UHRF2: variants seen among roughly 807,000 people sequenced by gnomAD.
UHRF2 encodes the protein ubiquitin like with PHD and ring finger domains 2.
A neutral mutation model predicts 96.8 loss-of-function variants in UHRF2; 23 were observed. The ratio of observed to expected loss-of-function variants is 0.24; its 90% CI spans 0.17 to 0.34. The LOEUF is 0.34. Among genes scored for constraint, UHRF2 ranks in the 10% least tolerant of loss-of-function variants. The pLI is 1.00. For synonymous variants in UHRF2, 385 were observed against 332.6 expected (o/e 1.16, Z -1.72); for missense variants, 685 against 981.5 (o/e 0.70, Z 4.04).
At position 6,506,877 on chromosome 9, in the gene UHRF2, C is replaced by T. The variant is rs1232972622; in HGVS notation, c.*698C>T. On this transcript the variant is annotated 3_prime_UTR_variant, in exon 16 of 16. Coordinates refer to ENST00000276893, the MANE Select transcript of UHRF2 (RefSeq NM_152896.3). ...CTAGTTGTAAATGTTCATGAAAATCCACTTCTCTACTAGTCGAACTGCTTT... is the reference window on the plus strand; with the variant it reads ...CTAGTTGTAAATGTTCATGAAAATCTACTTCTCTACTAGTCGAACTGCTTT... 6.6e-6 allele frequency: 1 copy of T among 152,570 alleles called. No individual in the cohort carries two copies. The highest frequency in any genetic ancestry group is 1.9e-4 in the East Asian group (1 of 5,194). The allele number at this position is 152,570 out of a possible 1,614,324, so 9.5% of individuals were successfully genotyped here.
chr9:6,495,369 A>G (rs1230265560), intron 10 of UHRF2: 1 of 152,248 alleles, frequency 6.6e-6, no homozygotes, highest in Non-Finnish European at 1.5e-5. Flanking sequence ...TGGTCAGTTT[A>G]TACGTTAAGT....
intron 3 of UHRF2, among the ~76,000 whole-genome samples, chr9:6,437,269 G>A (rs993439029): frequency 6.6e-6 from 1 of 152,208 alleles, no homozygotes; most frequent in African/African-American, 2.4e-5. Context: ...GTCTCGTTCT[G>A]TTGCTCAGTC....
intron 4 of UHRF2, among the ~76,000 whole-genome samples, chr9:6,464,246 G>A (rs1338161641): frequency 6.6e-6 from 1 of 152,154 alleles, no homozygotes; most frequent in African/African-American, 2.4e-5. Context: ...TCTTTTGTGA[G>A]GACCTGGTTC....
intron 9 of UHRF2, chr9:6,492,336 C>G: frequency 8.0e-7 from 1 of 1,245,106 alleles, no homozygotes; most frequent in Non-Finnish European, 1.0e-6. Flanking sequence ...ATTGTGGAGT[C>G]TGTCCAGATA....
At chr9:6,446,912 A>G (rs550407765) in intron 3 of UHRF2, among the ~76,000 whole-genome samples, 2 of 152,046 alleles carry the variant, frequency 1.3e-5, no homozygotes, top group African/African-American at 4.8e-5. Context: ...GTTTTGAGAC[A>G]GAGTCTTGCT....
chr9:6,479,751 C>G (rs1027241300), intron 6 of UHRF2, among the ~76,000 whole-genome samples: 1 of 152,170 alleles, frequency 6.6e-6, no homozygotes, highest in Non-Finnish European at 1.5e-5. Context: ...ATTTTATCTA[C>G]TTGTTCATGC....
intron 3 of UHRF2, among the ~76,000 whole-genome samples, chr9:6,445,981 C>CTTTTTTTTTTTTTTTTTTTT (rs57147850): frequency 1.3e-5 from 1 of 78,904 alleles, no homozygotes; most frequent in African/African-American, 5.2e-5. Context: ...CCCCGCCACC[C>CTTTTTTTTTTTTTTTTTTTT]TTTTTTTTTT....
At chr9:6,483,936 G>A (rs906932926) in intron 8 of UHRF2, among the ~76,000 whole-genome samples, 1 of 152,148 alleles carries the variant, frequency 6.6e-6, no homozygotes, top group African/African-American at 2.4e-5. Context: ...TGATCTGCCT[G>A]TCTCAGCCTC....
intron 1 of UHRF2, among the ~76,000 whole-genome samples, chr9:6,419,900 C>G (rs550107164): frequency 1.3e-5 from 2 of 152,048 alleles, no homozygotes; most frequent in African/African-American, 2.4e-5. Flanking sequence ...CAATCACACC[C>G]GGCTACGTTT....
chr9:6,422,511 T>C (rs1671568668), intron 2 of UHRF2: 1 of 426,450 alleles, frequency 2.3e-6, no homozygotes, highest in African/African-American at 2.0e-5. Context: ...TGGGATTCTA[T>C]GGAGATTGCA....
At chr9:6,469,720 A>ATG (rs1554630067) in intron 4 of UHRF2, among the ~76,000 whole-genome samples, 2 of 150,744 alleles carry the variant, frequency 1.3e-5, no homozygotes, top group Admixed American at 1.3e-4. Context: ...ACACACATAT[A>ATG]TGTGCATATA....
At chr9:6,504,075 G>A (rs1341321995) in intron 14 of UHRF2, among the ~76,000 whole-genome samples, 1 of 143,242 alleles carries the variant, frequency 7.0e-6, no homozygotes, top group African/African-American at 2.7e-5. Context: ...ACCCAGGCTG[G>A]AGTGCAGTGG....
intron 6 of UHRF2, among the ~76,000 whole-genome samples, chr9:6,479,579 C>T (rs541185532): frequency 9.2e-5 from 14 of 152,212 alleles, no homozygotes; most frequent in Admixed American, 2.6e-4. Flanking sequence ...GCTAATAGTT[C>T]TGAATTTATG....
At chr9:6,486,480 TC>T (rs1486736800) in intron 8 of UHRF2, among the ~76,000 whole-genome samples, 1 of 152,234 alleles carries the variant, frequency 6.6e-6, no homozygotes, top group Non-Finnish European at 1.5e-5. Flanking sequence ...CTGCTGGTAG[TC>T]CTCTTTTAGC....
rs576582868 is a variant in UHRF2, at chr9:6,423,521, G to T, written c.384+2379G>T. Among the ~76,000 whole-genome samples the T allele has an allele frequency of 3.9e-3, 588 of 152,098 alleles. 5 individuals carry two copies. Among genetic ancestry groups the T allele is most frequent in the African/African-American group, 0.013 (541 of 41,478 alleles). On this transcript the variant is annotated intron_variant, in intron 2 of 15. Coordinates refer to ENST00000276893, the MANE Select transcript of UHRF2 (RefSeq NM_152896.3). ...CAAATATGGTTTGTCAGGATGTGGG[G>T]ACAGTTCATTATTATAAAATGTTTC...
chr9:6,439,086 GGTTAT>G (rs1314408649), intron 3 of UHRF2, among the ~76,000 whole-genome samples: 1 of 152,138 alleles, frequency 6.6e-6, no homozygotes, highest in African/African-American at 2.4e-5. Context: ...ATGAAAAACA[GGTTAT>G]GTTAAGAGAT....
intron 8 of UHRF2, among the ~76,000 whole-genome samples, chr9:6,485,137 T>C (rs922253949): frequency 6.6e-6 from 1 of 152,198 alleles, no homozygotes; most frequent in Non-Finnish European, 1.5e-5. Context: ...AGTTTAATAC[T>C]CTCTGTGTTC....
intron 4 of UHRF2, among the ~76,000 whole-genome samples, chr9:6,465,121 G>C (rs950185317): frequency 4.6e-5 from 7 of 152,030 alleles, no homozygotes; most frequent in African/African-American, 1.7e-4. Context: ...AATAAGTAGT[G>C]ATAACAGGCA....
chr9:6,443,080 C>G (rs952543610), intron 3 of UHRF2, among the ~76,000 whole-genome samples: 2 of 152,052 alleles, frequency 1.3e-5, no homozygotes, highest in African/African-American at 4.8e-5. Context: ...GTAGTTTGAA[C>G]AAGGAAGTGT....
Sources: gnomAD v4.1 joint callset for allele counts (sites outside exome capture counted in the v4.1 genomes callset) on GRCh38, gnomAD v4.1.1 for gene constraint, MANE v1.5 for transcripts, NCBI Gene and HGNC (gene_info 2026-07-23, HGNC 2026-07-21) for gene names.